Variants in SLC24A2 observed in about 807,000 individuals in gnomAD.
SLC24A2 encodes the protein sodium/potassium/calcium exchanger 2.
SLC24A2 carries 36 observed loss-of-function variants against 62.0 expected under a neutral mutation model. That is an observed-to-expected ratio of 0.58 (90% CI 0.44 to 0.77). SLC24A2 has a LOEUF of 0.77. Ranked by LOEUF, SLC24A2 falls within the 30% of genes least tolerant of loss-of-function variation. The probability of loss-of-function intolerance (pLI) is 0.00; values close to 1 mark genes in which losing one functional copy is unlikely to be tolerated. For missense variants in SLC24A2, 846 were observed against 817.9 expected, an observed-to-expected ratio of 1.03 and a Z score of -0.42; for synonymous variants, 358 against 294.0, an observed-to-expected ratio of 1.22 and a Z score of -2.23.
chr9:19,777,151 A>C (rs1043919053), intron 2 of SLC24A2, among the ~76,000 whole-genome samples: 1 of 152,246 alleles, frequency 6.6e-6, no homozygotes, highest in African/African-American at 2.4e-5. Flanking sequence ...TATTTGTAAG[A>C]GATCTTTGTG....
At chr9:20,212,160 T>C in the SLC24A2 span, among the ~76,000 whole-genome samples, 2 of 151,162 alleles carry the variant, frequency 1.3e-5, no homozygotes, top group African/African-American at 4.9e-5. Flanking sequence ...CTTCCCAAAA[T>C]AGATATCAAA....
In SLC24A2 at chr9:19,537,183, C is replaced by A. The variant is rs1834019896; in HGVS notation, c.1480-9045G>T. ...TTCACTCTGATGGTAGTTTCTTTTG[C>A]TGTGCAGAAGCTCTTTAGTTTAATT... On this transcript the variant is annotated intron_variant, in intron 8 of 10. Transcript: ENST00000341998. 2.0e-5 allele frequency among the ~76,000 whole-genome samples: 3 copies of A among 147,974 alleles called. No homozygotes were observed. The South Asian group carries it at 6.5e-4, about 32-fold the overall frequency.
rs188436938 is a variant in SLC24A2 at position 19,633,203 on chromosome 9, G to A, written c.931-10904C>T. Among the ~76,000 whole-genome samples the A allele has an allele frequency of 1.6e-3, 250 of 152,290 alleles. 3 individuals are homozygous for A. Among genetic ancestry groups the A allele is most frequent in the Admixed American group, 0.014 (220 of 15,298 alleles). ...ACCACAGTTTAATGATCTGCATGTT[G>A]AAAGGCATTTTGGATAGTTTACCAT... On this transcript the variant is annotated intron_variant, in intron 2 of 10. Coordinates refer to ENST00000341998, the MANE Select transcript of SLC24A2 (RefSeq NM_020344.4).
At chr9:19,902,403 C>A in the SLC24A2 span, among the ~76,000 whole-genome samples, 1 of 152,158 alleles carries the variant, frequency 6.6e-6, no homozygotes, top group Non-Finnish European at 1.5e-5. Context: ...CTACACCTTA[C>A]AACAGATGAA....
At chr9:19,835,582 C>T in the SLC24A2 span, among the ~76,000 whole-genome samples, 1 of 152,132 alleles carries the variant, frequency 6.6e-6, no homozygotes, top group Non-Finnish European at 1.5e-5. Context: ...AAAGCAAGTC[C>T]TTACTGACCT....
chr9:19,591,947 A>G (rs1013088607), intron 5 of SLC24A2, among the ~76,000 whole-genome samples: 1 of 152,270 alleles, frequency 6.6e-6, no homozygotes, highest in Admixed American at 6.5e-5. Flanking sequence ...GTCACAGATA[A>G]CAAGAAGGAC....
At chr9:20,241,649 G>A in the SLC24A2 span, among the ~76,000 whole-genome samples, 1 of 151,910 alleles carries the variant, frequency 6.6e-6, no homozygotes, top group African/African-American at 2.4e-5. Flanking sequence ...ACAGCCTTGA[G>A]AGAAAATAAA....
At chr9:19,868,188 T>C in the SLC24A2 span, among the ~76,000 whole-genome samples, 2 of 152,098 alleles carry the variant, frequency 1.3e-5, no homozygotes, top group Non-Finnish European at 2.9e-5. Flanking sequence ...ATGCAACCCA[T>C]AAATTTTGAA....
the SLC24A2 span, among the ~76,000 whole-genome samples, chr9:19,850,965 ATG>A: frequency 0.48 from 22,834 of 47,964 alleles, 5,836 homozygotes; most frequent in Non-Finnish European, 0.6. Flanking sequence ...ATATATATAT[ATG>A]TATATATATA....
intron 2 of SLC24A2, among the ~76,000 whole-genome samples, chr9:19,676,169 G>A (rs970303540): frequency 1.3e-5 from 2 of 152,180 alleles, no homozygotes; most frequent in Admixed American, 1.3e-4. Context: ...TGTGTGTTCA[G>A]GGGTGGATGA....
chr9:19,928,621 C>G, the SLC24A2 span: 1 of 152,190 alleles, frequency 6.6e-6, no homozygotes. Context: ...ATAATAATTA[C>G]AATCATCAAA....
At chr9:20,179,971 A>G in the SLC24A2 span, among the ~76,000 whole-genome samples, 1 of 152,194 alleles carries the variant, frequency 6.6e-6, no homozygotes, top group East Asian at 1.9e-4. Context: ...TATTGGTTCA[A>G]CCAGTAACCA....
the SLC24A2 span, among the ~76,000 whole-genome samples, chr9:20,011,826 A>G: frequency 2.0e-5 from 3 of 152,252 alleles, no homozygotes; most frequent in African/African-American, 7.2e-5. Context: ...AGAACACGTC[A>G]AAAGAATCAT....
chr9:19,979,593 G>A, the SLC24A2 span, among the ~76,000 whole-genome samples: 1 of 152,220 alleles, frequency 6.6e-6, no homozygotes, highest in South Asian at 2.1e-4. Context: ...GCTTCCCCAA[G>A]GCATTCCATC....
At chr9:19,895,399 C>T in the SLC24A2 span, among the ~76,000 whole-genome samples, 157 of 152,222 alleles carry the variant, frequency 1.0e-3, 1 homozygote, top group Non-Finnish European at 1.6e-3. Context: ...TGCCATTAGG[C>T]ACTGGGGGAT....
chr9:20,058,062 T>C, the SLC24A2 span, among the ~76,000 whole-genome samples: 1 of 152,300 alleles, frequency 6.6e-6, no homozygotes, highest in African/African-American at 2.4e-5. Flanking sequence ...ACATTTAACA[T>C]TGAACTCACT....
intron 2 of SLC24A2, among the ~76,000 whole-genome samples, chr9:19,709,901 A>C (rs1587196251): frequency 6.6e-6 from 1 of 152,092 alleles, no homozygotes; most frequent in Admixed American, 6.6e-5. Context: ...AAAGTATAAT[A>C]ATAATAAAAT....
intron 7 of SLC24A2, among the ~76,000 whole-genome samples, chr9:19,561,084 C>T (rs1001096454): frequency 1.3e-5 from 2 of 151,888 alleles, no homozygotes; most frequent in Non-Finnish European, 2.9e-5. Context: ...AGCCACCACA[C>T]CTGGCTAATT....
the SLC24A2 span, among the ~76,000 whole-genome samples, chr9:20,113,812 C>G: frequency 6.6e-6 from 1 of 152,080 alleles, no homozygotes; most frequent in Non-Finnish European, 1.5e-5. Flanking sequence ...CACTGACTTC[C>G]TCTTTCAATC....
Sources: allele counts gnomAD v4.1 joint callset (sites outside exome capture counted in the v4.1 genomes callset), GRCh38; gene constraint gnomAD v4.1.1; transcripts MANE v1.5; gene names NCBI Gene and HGNC (gene_info 2026-07-23, HGNC 2026-07-21).